The following WWC2 variants were observed in gnomAD, a reference collection of about 807,000 sequenced individuals.
The protein encoded by WWC2 is WW and C2 domain containing 2.
A neutral mutation model predicts 138.5 loss-of-function variants in WWC2; 101 were observed. The ratio of observed to expected loss-of-function variants is 0.73; its 90% CI spans 0.62 to 0.86. WWC2 has a LOEUF of 0.86. WWC2 is among the 40% of genes least tolerant of loss of function. WWC2 has a pLI of 0.00. For missense variants in WWC2, 1,420 were observed against 1,419.4 expected (o/e 1.00, Z -0.01); for synonymous variants, 558 against 538.4 (o/e 1.04, Z -0.50).
chr4:183,235,077 G>A (rs1335605257), intron 4 of WWC2, among the ~76,000 whole-genome samples: 1 of 152,096 alleles, frequency 6.6e-6, no homozygotes, highest in Non-Finnish European at 1.5e-5. Flanking sequence ...TTCACTTATG[G>A]GAGCAAACTT....
At chr4:183,257,356 G>C (rs1290473869) in intron 9 of WWC2, among the ~76,000 whole-genome samples, 2 of 152,192 alleles carry the variant, frequency 1.3e-5, no homozygotes, top group Non-Finnish European at 2.9e-5. Context: ...CCTAGGTGCA[G>C]AATTCTGAGT....
intron 1 of WWC2, among the ~76,000 whole-genome samples, chr4:183,171,099 G>A (rs1734265818): frequency 1.3e-5 from 2 of 152,062 alleles, no homozygotes; most frequent in Non-Finnish European, 2.9e-5. Flanking sequence ...TTTCTTCTTT[G>A]TACTGTTTAC....
At chr4:183,296,622 A>G (rs1738636671) in intron 21 of WWC2, among the ~76,000 whole-genome samples, 1 of 152,104 alleles carries the variant, frequency 6.6e-6, no homozygotes, top group Non-Finnish European at 1.5e-5. Context: ...ATCCTTACAT[A>G]GATGATCTTG....
At chr4:183,278,727 T>C (rs923568910) in intron 16 of WWC2, among the ~76,000 whole-genome samples, 1 of 152,062 alleles carries the variant, frequency 6.6e-6, no homozygotes, top group Non-Finnish European at 1.5e-5. Flanking sequence ...GGTATTTTAT[T>C]CTGTTTGAAG....
Position 183,289,493 on chromosome 4 carries a change from G to A in WWC2, c.3242G>A (p.Ser1081Asn). The A allele has an allele frequency of 6.2e-7, 1 of 1,613,810 alleles. No individual in the cohort carries two copies. Among genetic ancestry groups the A allele is most frequent in the Non-Finnish European group, 8.5e-7 (1 of 1,179,800 alleles). The change falls in exon 21 of 23, where the codon AGC becomes AAC. Residue 1081 changes from serine (S) to asparagine (N), a missense_variant. By Grantham distance (46) the Ser-to-Asn change is conservative (BLOSUM62 1). Transcript: ENST00000403733. ...LDLQASLTRQ[S>N]RLNDELQALR... ...CTTCAGGCATCTCTGACCCGGCAGAGCCGCCTCAATGATGAGCTGCAGGCG... is the reference window on the plus strand; with the variant it reads ...CTTCAGGCATCTCTGACCCGGCAGAACCGCCTCAATGATGAGCTGCAGGCG...
chr4:183,280,702 T>A (rs1738040598), intron 16 of WWC2, 74 bp from the exon 17 acceptor site: 2 of 1,464,054 alleles, frequency 1.4e-6, no homozygotes, highest in South Asian at 2.6e-5. Context: ...GAAGTGTAAA[T>A]TCCCATCTGC....
rs186570149 is a variant in WWC2 at position 183,251,627 on chromosome 4, G to A, written c.953+1634G>A. ...CTGATGACACAAATAATAAACGGGC[G>A]CCTCTTTTTCCTGTATTATGTTATT... On this transcript the variant is annotated intron_variant, in intron 8 of 22. Coordinates refer to ENST00000403733, the MANE Select transcript of WWC2 (RefSeq NM_024949.6). Among the ~76,000 whole-genome samples the A allele has an allele frequency of 2.2e-4, 34 of 152,236 alleles. No individual in the cohort carries two copies. In the East Asian group the frequency reaches 5.0e-3, roughly 22 times the overall value.
chr4:183,316,176 A>C lies in WWC2; in HGVS notation c.*447A>C, dbSNP rs1286379963. On this transcript the variant is annotated 3_prime_UTR_variant, in exon 23 of 23. Coordinates refer to ENST00000403733, the MANE Select transcript of WWC2 (RefSeq NM_024949.6). ...GTATCTGTGCGCTGGCGAGGAGAGGAGCGCTTTCCATTTGGAGGCAGTGTG... is the reference window on the plus strand; with the variant it reads ...GTATCTGTGCGCTGGCGAGGAGAGGCGCGCTTTCCATTTGGAGGCAGTGTG... 6.2e-6 allele frequency: 1 copy of C among 160,008 alleles called. No individual in the cohort carries two copies. Among genetic ancestry groups the C allele is most frequent in the East Asian group, 1.8e-4 (1 of 5,434 alleles). The allele number at this position is 160,008 out of a possible 1,614,324, so 9.9% of individuals were successfully genotyped here.
intron 2 of WWC2, among the ~76,000 whole-genome samples, chr4:183,195,123 G>A (rs1735100105): frequency 6.6e-6 from 1 of 152,036 alleles, no homozygotes; most frequent in African/African-American, 2.4e-5. Flanking sequence ...CATCTGTAAG[G>A]GTGAAATGAA....
chr4:183,274,362 C>T (rs1033868933), intron 16 of WWC2, among the ~76,000 whole-genome samples: 11 of 152,160 alleles, frequency 7.2e-5, no homozygotes, highest in Non-Finnish European at 1.3e-4. Flanking sequence ...GAACATAGGA[C>T]GTATTTCCAT....
intron 1 of WWC2, among the ~76,000 whole-genome samples, chr4:183,155,217 A>AGAGAGAGAGAGAGAGAGG (rs1733767415): frequency 7.7e-6 from 1 of 130,578 alleles, no homozygotes; most frequent in African/African-American, 2.8e-5. Context: ...AGAGAGAGAG[A>AGAGAGAGAGAGAGAGAGG]GAGAGAGTTA....
At chr4:183,173,616 G>A (rs951137702) in intron 1 of WWC2, among the ~76,000 whole-genome samples, 21 of 151,742 alleles carry the variant, frequency 1.4e-4, no homozygotes, top group African/African-American at 4.6e-4. Context: ...CCAGTGGATT[G>A]CAAGCAGAAG....
chr4:183,299,830 A>G (rs1442604620), intron 21 of WWC2, among the ~76,000 whole-genome samples: 1 of 152,190 alleles, frequency 6.6e-6, no homozygotes, highest in Non-Finnish European at 1.5e-5. Flanking sequence ...AAGGATGAGC[A>G]AAGAGCCTGC....
At chr4:183,267,270 A>G (rs1222305182) in intron 14 of WWC2, among the ~76,000 whole-genome samples, 1 of 152,196 alleles carries the variant, frequency 6.6e-6, no homozygotes, top group African/African-American at 2.4e-5. Flanking sequence ...TGTCCACATC[A>G]TTAGTGAGAC....
chr4:183,123,536 C>T (rs1732670071), intron 1 of WWC2, among the ~76,000 whole-genome samples: 1 of 152,000 alleles, frequency 6.6e-6, no homozygotes, highest in Admixed American at 6.6e-5. Flanking sequence ...TCTACCCCAG[C>T]ATCAGGATAG....
Position 183,318,405 on chromosome 4 carries a change from T to A in WWC2, c.*2676T>A, listed in dbSNP as rs1208976225. ...ATGTTTCTGTTTTAATTTGTCTTGT[T>A]TGTAAACGTATGCAAATACATCACA... On this transcript the variant is annotated 3_prime_UTR_variant, in exon 23 of 23. Transcript: ENST00000403733. 3 of 152,668 alleles carry A rather than the reference T, an allele frequency of 2.0e-5. No homozygotes were observed. Among genetic ancestry groups the A allele is most frequent in the Non-Finnish European group, 4.4e-5 (3 of 68,036 alleles). 9.5% of individuals were successfully genotyped at this position (152,668 alleles called of 1,614,324 possible). A position where few individuals can be genotyped will look rare whatever the true frequency, so the allele number is the denominator to read the frequency against.
intron 4 of WWC2, among the ~76,000 whole-genome samples, chr4:183,218,251 A>G (rs1274995629): frequency 2.6e-5 from 4 of 152,200 alleles, no homozygotes; most frequent in African/African-American, 9.6e-5. Flanking sequence ...GCCAATAAGC[A>G]TATGAAAAGA....
chr4:183,234,230 A>G (rs1736345063), intron 4 of WWC2, among the ~76,000 whole-genome samples: 1 of 152,232 alleles, frequency 6.6e-6, no homozygotes. Flanking sequence ...AATAACTGAA[A>G]TCAATGTAAA....
At chr4:183,154,026 A>ACAAAAAAAC (rs1733725091) in intron 1 of WWC2, among the ~76,000 whole-genome samples, 6 of 145,656 alleles carry the variant, frequency 4.1e-5, no homozygotes, top group African/African-American at 1.4e-4. Flanking sequence ...AAAAAAAAAA[A>ACAAAAAAAC]AACCCCAAAT....
Sources: allele counts gnomAD v4.1 joint callset (sites outside exome capture counted in the v4.1 genomes callset), GRCh38; gene constraint gnomAD v4.1.1; transcripts MANE v1.5; gene names NCBI Gene and HGNC (gene_info 2026-07-23, HGNC 2026-07-21).